Variants in FRMPD4 observed in about 807,000 individuals in gnomAD.
FRMPD4 encodes FERM and PDZ domain-containing protein 4.
In FRMPD4, 22 loss-of-function variants were observed where a neutral mutation model predicts 94.1. That is an observed-to-expected ratio of 0.23 (90% confidence interval 0.17 to 0.33). The LOEUF (loss-of-function observed/expected upper bound fraction) is 0.33, where lower values mean the gene tolerates loss of function less well. Among genes scored for constraint, FRMPD4 ranks in the 10% least tolerant of loss-of-function variants. The probability of loss-of-function intolerance (pLI) is 1.00; values close to 1 mark genes in which losing one functional copy is unlikely to be tolerated. For missense variants in FRMPD4, 1,111 were observed against 1,339.9 expected (o/e 0.83, Z 2.67); for synonymous variants, 631 against 548.6 (o/e 1.15, Z -2.10).
chrX:12,699,370 T>G (rs1013921833), intron 9 of FRMPD4, among the ~76,000 whole-genome samples: 2 of 112,349 alleles, frequency 1.8e-5, no homozygotes, highest in Non-Finnish European at 3.8e-5. Context: ...GTTTAAGATT[T>G]TAAGGAGAAG....
chrX:12,475,996 G>T (rs190266347), intron 1 of FRMPD4, among the ~76,000 whole-genome samples: 1 of 111,660 alleles, frequency 9.0e-6, no homozygotes, highest in Non-Finnish European at 1.9e-5. Context: ...AAAAGAGCCC[G>T]CATTGCCAAG....
intron 2 of FRMPD4, among the ~76,000 whole-genome samples, chrX:12,539,213 G>A (rs1162797779): frequency 1.8e-5 from 2 of 111,789 alleles, no homozygotes; most frequent in Non-Finnish European, 3.8e-5. Context: ...TGAATAAAAT[G>A]AAGCAAGAAG....
chrX:12,498,537 A>C (rs1447055094), intron 1 of FRMPD4, 143 bp from the exon 2 acceptor site: 1 of 538,438 alleles, frequency 1.9e-6, no homozygotes, highest in Non-Finnish European at 3.3e-6. Context: ...ATTGTAAAAG[A>C]TAATGTGTCG....
chrX:12,216,301 G>A, intron 1 of FRMPD4, among the ~76,000 whole-genome samples: 1 of 111,619 alleles, frequency 9.0e-6, no homozygotes, highest in Non-Finnish European at 1.9e-5. Flanking sequence ...CTTCGCACAT[G>A]CTCTTTTCAG....
chrX:12,556,031 C>T (rs999195900), intron 2 of FRMPD4, among the ~76,000 whole-genome samples: 3 of 110,857 alleles, frequency 2.7e-5, no homozygotes, highest in African/African-American at 9.9e-5. Flanking sequence ...GTCCTCTTGC[C>T]TCAGCCTCCC....
At chrX:12,710,598 A>T in intron 14 of FRMPD4, 61 bp downstream of exon 14, 1 of 1,037,806 alleles carries the variant, frequency 9.6e-7, no homozygotes, top group Non-Finnish European at 1.3e-6. Flanking sequence ...CCTGACAACA[A>T]TAATAAGGAT....
At chrX:11,990,398 T>G (rs1015018781) in intron 3 of FRMPD4, among the ~76,000 whole-genome samples, 4 of 112,241 alleles carry the variant, frequency 3.6e-5, no homozygotes, top group Non-Finnish European at 1.9e-5. Context: ...TTGCATAACA[T>G]TGTTAATGTA....
intron 3 of FRMPD4, among the ~76,000 whole-genome samples, chrX:12,073,732 G>A (rs980907629): frequency 8.9e-6 from 1 of 111,880 alleles, no homozygotes; most frequent in African/African-American, 3.2e-5. Flanking sequence ...CACATTTTTT[G>A]TTTTGCATTT....
chrX:12,430,893 G>A (rs190298101), intron 1 of FRMPD4, among the ~76,000 whole-genome samples: 94 of 112,038 alleles, frequency 8.4e-4, no homozygotes, highest in South Asian at 2.2e-3. Context: ...AAATATTCTC[G>A]GAAGCATCTG....
intron 3 of FRMPD4, among the ~76,000 whole-genome samples, chrX:11,908,842 A>G (rs2053981940): frequency 8.9e-6 from 1 of 112,012 alleles, no homozygotes; most frequent in South Asian, 3.7e-4. Flanking sequence ...TTTTCTGACC[A>G]TATTACTCTG....
intron 3 of FRMPD4, among the ~76,000 whole-genome samples, chrX:11,921,982 C>G (rs2054059200): frequency 9.0e-6 from 1 of 111,645 alleles, no homozygotes; most frequent in African/African-American, 3.3e-5. Context: ...GGAAACAAGA[C>G]AAAGCCAATG....
chrX:12,180,547 T>A (rs1456883228), intron 1 of FRMPD4, among the ~76,000 whole-genome samples: 1 of 112,105 alleles, frequency 8.9e-6, no homozygotes, highest in African/African-American at 3.2e-5. Flanking sequence ...GAATTAGATG[T>A]AGGTTACATA....
chrX:11,985,294 C>T (rs1356508240), intron 3 of FRMPD4, among the ~76,000 whole-genome samples: 1 of 111,574 alleles, frequency 9.0e-6, no homozygotes, highest in Non-Finnish European at 1.9e-5. Context: ...TAGATACACT[C>T]TGGGCCAGAA....
At chrX:11,879,209 C>T (rs1372106387) in intron 3 of FRMPD4, among the ~76,000 whole-genome samples, 1 of 111,920 alleles carries the variant, frequency 8.9e-6, no homozygotes, top group Non-Finnish European at 1.9e-5. Context: ...TGGCTTGCAA[C>T]ATAATTTCAC....
At chrX:12,080,091 T>C (rs1034111060) in intron 3 of FRMPD4, among the ~76,000 whole-genome samples, 6 of 112,379 alleles carry the variant, frequency 5.3e-5, no homozygotes, top group African/African-American at 1.9e-4. Context: ...TGAGTGCAGA[T>C]AGAATGAAGA....
intron 3 of FRMPD4, among the ~76,000 whole-genome samples, chrX:12,027,857 T>G (rs1297939123): frequency 1.8e-5 from 2 of 112,218 alleles, no homozygotes; most frequent in Non-Finnish European, 3.8e-5. Flanking sequence ...CCATTTTCTA[T>G]TGTCTGGTGT....
At chrX:12,318,215 A>G (rs1166333713) in intron 1 of FRMPD4, among the ~76,000 whole-genome samples, 4 of 112,769 alleles carry the variant, frequency 3.5e-5, no homozygotes, top group Non-Finnish European at 5.6e-5. Flanking sequence ...AAGACAAATA[A>G]TACATTTTCT....
At chrX:12,268,286 G>T (rs1283191996) in intron 1 of FRMPD4, among the ~76,000 whole-genome samples, 2 of 112,522 alleles carry the variant, frequency 1.8e-5, no homozygotes, top group Admixed American at 1.9e-4. Context: ...CTTCCTGTTT[G>T]CCCAGCAAGA....
At chrX:12,376,572 G>A (rs763948528) in intron 1 of FRMPD4, among the ~76,000 whole-genome samples, 61 of 112,360 alleles carry the variant, frequency 5.4e-4, no homozygotes, top group African/African-American at 1.8e-3. Context: ...TGACTCCTAC[G>A]ATGAGATTTA....
Sources: allele counts gnomAD v4.1 joint callset (sites outside exome capture counted in the v4.1 genomes callset), GRCh38; gene constraint gnomAD v4.1.1; transcripts MANE v1.5; gene names NCBI Gene and HGNC (gene_info 2026-07-23, HGNC 2026-07-21).